Variants in MTR observed in about 807,000 individuals in gnomAD.
MTR encodes the protein 5-methyltetrahydrofolate-homocysteine methyltransferase.
In MTR, 84 loss-of-function variants were observed where a neutral mutation model predicts 154.8. That is an observed-to-expected ratio of 0.54 (90% CI 0.45 to 0.65). MTR has a LOEUF of 0.65. MTR is among the 30% of genes least tolerant of loss of function. The pLI is 0.00. For missense variants in MTR, 1,275 were observed against 1,570.2 expected (o/e 0.81, Z 3.18); for synonymous variants, 554 against 553.9 (o/e 1.00, Z 0.00).
Position 236,852,617 on chromosome 1 carries a change from T to G in MTR, c.1792T>G (p.Phe598Val). ...EAIREAMHGV[F>V]LYHAIKSGMD... ...CATTCGAGAAGCAATGCATGGGGTT[T>G]TCCTTTACCATGCAATCAAGGTATG... Residue 598 changes from phenylalanine (F) to valine (V), a missense_variant, in exon 17 of 33, where the codon TTC (phenylalanine) becomes GTC (valine). Physicochemically the swap from Phe to Val is conservative, Grantham distance 50. Coordinates refer to ENST00000366577, the MANE Select transcript of MTR (RefSeq NM_000254.3). 2 of 1,613,748 alleles carry G rather than the reference T, an allele frequency of 1.2e-6. No individual in the cohort carries two copies. Among genetic ancestry groups the G allele is most frequent in the Non-Finnish European group, 1.7e-6 (2 of 1,179,670 alleles).
At chr1:236,824,001 T>C (rs767616059) in intron 8 of MTR, 118 bp from the exon 9 acceptor site, 7 of 858,844 alleles carry the variant, frequency 8.2e-6, no homozygotes, top group Non-Finnish European at 1.3e-5. Flanking sequence ...ATAAAAGTGC[T>C]TTGAATGAGG....
rs1666916748 is a variant in MTR, at chr1:236,901,524, C to G, written c.*3880C>G. The G allele has an allele frequency of 6.6e-6, 1 of 152,262 alleles. No homozygotes were observed. Among genetic ancestry groups the G allele is most frequent in the African/African-American group, 2.4e-5 (1 of 41,454 alleles). 9.4% of individuals were successfully genotyped at this position (152,262 alleles called of 1,614,324 possible). A position where few individuals can be genotyped will look rare whatever the true frequency, so the allele number is the denominator to read the frequency against. ...AACACCATCAACCTGGGAGTTGCCC[C>G]TGACCCCTCCAGTCTTAGCTCCTGC... On this transcript the variant is annotated 3_prime_UTR_variant, in exon 33 of 33. Transcript: ENST00000366577.
intron 19 of MTR, 28 bp downstream of exon 19, chr1:236,859,950 G>T (rs1664424301): frequency 6.3e-7 from 1 of 1,594,998 alleles, no homozygotes; most frequent in Non-Finnish European, 8.6e-7. Context: ...GAACTGGAGG[G>T]CTGGAGGCTC....
Position 236,824,186 on chromosome 1 carries a change from A to T in MTR, c.832A>T (p.Thr278Ser). ...TTTTATTGAAATAATTGGAAAATGT[A>T]CAACAGCCTATGTCCTCTGTTATCC... Reference protein sequence around the residue: ...RPFIEIIGKCTTAYVLCYPNA... With the variant: ...RPFIEIIGKCSTAYVLCYPNA... The change falls in exon 9 of 33, where the codon ACA becomes TCA. Residue 278 changes from threonine (T) to serine (S), a missense_variant. Thr to Ser is a moderately conservative substitution (Grantham distance 58). Coordinates refer to ENST00000366577, the MANE Select transcript of MTR (RefSeq NM_000254.3). 1 of 1,614,084 alleles carries T rather than the reference A, an allele frequency of 6.2e-7. No homozygotes were observed. Among genetic ancestry groups the T allele is most frequent in the South Asian group, 1.1e-5 (1 of 91,078 alleles).
At chr1:236,820,208 A>G (rs565088172) in intron 8 of MTR, 130 of 759,002 alleles carry the variant, frequency 1.7e-4, no homozygotes, top group Admixed American at 3.8e-4. Flanking sequence ...ATTTCCTGTG[A>G]ACACTTGCGG....
chr1:236,838,502 G>A lies in MTR; in HGVS notation c.1418G>A (p.Ser473Asn). ...GGGAAGTGCATTGTCAATAGCATTA[G>A]TCTGAAGGAAGGAGAGGACGACTTC... ...CQGKCIVNSI[S>N]LKEGEDDFLE... Residue 473 changes from serine (S) to asparagine (N), a missense_variant, in exon 15 of 33, where the codon AGT becomes AAT. By Grantham distance (46) the Ser-to-Asn change is conservative (BLOSUM62 1). Transcript: ENST00000366577. 6.2e-7 allele frequency: 1 copy of A among 1,614,130 alleles called. No homozygotes were observed. Among genetic ancestry groups the A allele is most frequent in the South Asian group, 1.1e-5 (1 of 91,074 alleles).
chr1:236,808,326 A>T (rs1408718645), intron 3 of MTR, among the ~76,000 whole-genome samples: 1 of 152,164 alleles, frequency 6.6e-6, no homozygotes. Flanking sequence ...GCAGTGACAG[A>T]CTAGTGCTTG....
chr1:236,846,669 A>G (rs1471629836), intron 15 of MTR, among the ~76,000 whole-genome samples: 1 of 152,092 alleles, frequency 6.6e-6, no homozygotes, highest in African/African-American at 2.4e-5. Flanking sequence ...ATTATCCCTA[A>G]ATAGGCAATC....
intron 8 of MTR, chr1:236,819,495 TCA>T: frequency 3.4e-6 from 1 of 298,458 alleles, no homozygotes; most frequent in Non-Finnish European, 6.5e-6. Context: ...TTTTTCCCAT[TCA>T]TGTATTGAAG....
intron 31 of MTR, among the ~76,000 whole-genome samples, chr1:236,896,802 A>C (rs1666649473): frequency 6.6e-6 from 1 of 152,148 alleles, no homozygotes; most frequent in Non-Finnish European, 1.5e-5. Context: ...GGAGATCTGC[A>C]TGTCCCGAAT....
intron 8 of MTR, among the ~76,000 whole-genome samples, chr1:236,819,073 G>A (rs1023345991): frequency 7.2e-5 from 11 of 152,018 alleles, no homozygotes; most frequent in African/African-American, 2.4e-4. Flanking sequence ...GCATTGGTGT[G>A]GTACACCTAT....
At chr1:236,828,985 G>A (rs899844337) in intron 11 of MTR, among the ~76,000 whole-genome samples, 6 of 151,984 alleles carry the variant, frequency 3.9e-5, no homozygotes, top group African/African-American at 1.5e-4. Flanking sequence ...CACATAAAAG[G>A]TACAGTTTAT....
chr1:236,795,473 AG>A lies in MTR; in HGVS notation c.-230del. 2 of 1,509,684 alleles carry A rather than the reference AG, an allele frequency of 1.3e-6. No homozygotes were observed. Among genetic ancestry groups the A allele is most frequent in the Non-Finnish European group, 1.8e-6 (2 of 1,129,672 alleles). 93.5% of individuals were successfully genotyped at this position (1,509,684 alleles called of 1,614,324 possible). ...GGACTGGCCGGGTACCCGGGAAGAA[AG>A]CACGTGCTCCAGCAGTTGCCGCGCC... On this transcript the variant is annotated 5_prime_UTR_variant, in exon 1 of 33. Coordinates refer to ENST00000366577, the MANE Select transcript of MTR (RefSeq NM_000254.3).
At chr1:236,885,033 C>T in intron 25 of MTR, 88 bp from the exon 26 acceptor site, 2 of 830,592 alleles carry the variant, frequency 2.4e-6, no homozygotes, top group Non-Finnish European at 4.2e-6. Context: ...GTTAAGGAAG[C>T]CTTCCTGAAG....
In MTR at chr1:236,874,716, A is replaced by AC; in HGVS notation, c.2474-10_2474-9insC. 1 of 1,561,014 alleles carries AC rather than the reference A, an allele frequency of 6.4e-7. No individual in the cohort carries two copies. The highest frequency in any genetic ancestry group is 8.6e-7 in the Non-Finnish European group (1 of 1,156,802). On this transcript the variant is annotated splice_polypyrimidine_tract_variant and intron_variant, in intron 23 of 32. Coordinates refer to ENST00000366577, the MANE Select transcript of MTR (RefSeq NM_000254.3). ...TTTTGTCCTTTTTTTTTTAAAAAAA[A>AC]AAAAAATAGATATAATTGGCCTGTC...
chr1:236,858,374 A>G lies in MTR; in HGVS notation c.1954-1459A>G, dbSNP rs150557238. On this transcript the variant is annotated intron_variant, in intron 18 of 32. Coordinates refer to ENST00000366577, the MANE Select transcript of MTR (RefSeq NM_000254.3). The stretch of plus-strand genomic sequence containing the variant: ...CAGGAAAGACCCGTCTCCATGATTC[A>G]GTTACCTCCCACTGGGTCCCTCCCA... Among the ~76,000 whole-genome samples, 377 of 152,304 alleles carry G rather than the reference A, an allele frequency of 2.5e-3. 4 individuals carry two copies. The highest frequency in any genetic ancestry group is 8.0e-3 in the African/African-American group (334 of 41,562).
intron 15 of MTR, among the ~76,000 whole-genome samples, chr1:236,843,293 C>G (rs770111759): frequency 2.6e-5 from 4 of 151,230 alleles, no homozygotes; most frequent in Non-Finnish European, 5.9e-5. Context: ...GAAGAGTGTT[C>G]TTTGCAGAGG....
chr1:236,861,149 GAT>G lies in MTR; in HGVS notation c.2070_2071del (p.Thr691Ter). On this transcript the variant is annotated frameshift_variant, in exon 20 of 33. Coordinates refer to ENST00000366577, the MANE Select transcript of MTR (RefSeq NM_000254.3). LOFTEE classifies it high-confidence loss of function. ...VKGIEKHIIEDTEEARLNQKK... is the reference protein window; with the variant it reads ...VKGIEKHIIEXTEEARLNQKK... ...GGGCATTGAAAAACATATTATTGAG[GAT>G]ACTGAGGAAGCCAGGTTAAACCAAA... is the stretch of plus-strand genomic sequence containing the variant. 3 of 1,466,154 alleles carry G rather than the reference GAT, an allele frequency of 2.0e-6. No homozygotes were observed. Among genetic ancestry groups the G allele is most frequent in the Non-Finnish European group, 2.8e-6 (3 of 1,055,410 alleles). 90.8% of individuals were successfully genotyped at this position (1,466,154 alleles called of 1,614,324 possible). A position where few individuals can be genotyped will look rare whatever the true frequency, so the allele number is the denominator to read the frequency against.
chr1:236,878,959 GGCTTTGTAGT>G (rs1244527879), intron 24 of MTR, among the ~76,000 whole-genome samples: 4 of 152,358 alleles, frequency 2.6e-5, no homozygotes, highest in African/African-American at 9.6e-5. Context: ...CATAGCCTAA[GGCTTTGTAGT>G]CCTTTGCTTC....
Sources: allele counts gnomAD v4.1 joint callset (sites outside exome capture counted in the v4.1 genomes callset), GRCh38; gene constraint gnomAD v4.1.1; transcripts MANE v1.5; gene names NCBI Gene and HGNC (gene_info 2026-07-23, HGNC 2026-07-21).